Variants in LARGE1 observed in about 807,000 individuals in gnomAD.
LARGE1 encodes the protein LARGE xylosyl- and glucuronyltransferase 1.
A neutral mutation model predicts 87.6 loss-of-function variants in LARGE1; 43 were observed. That is an observed-to-expected ratio of 0.49 (90% CI 0.38 to 0.63). The LOEUF (loss-of-function observed/expected upper bound fraction) is 0.63. LARGE1 is among the 30% of genes least tolerant of loss of function. The probability of loss-of-function intolerance (pLI) is 0.00; values close to 1 mark genes in which losing one functional copy is unlikely to be tolerated. For missense variants in LARGE1, 802 were observed against 1,000.2 expected, an observed-to-expected ratio of 0.80 and a Z score of 2.67; for synonymous variants, 434 against 394.6, an observed-to-expected ratio of 1.10 and a Z score of -1.18.
chr22:33,785,075 A>G lies in LARGE1; in HGVS notation c.-82-23517T>C, dbSNP rs551894577. Reference sequence around the variant, plus strand: ...TACATGTGTATATAGATATATGTGTATACATACATATGTGTATATACATGT... The same window carrying G: ...TACATGTGTATATAGATATATGTGTGTACATACATATGTGTATATACATGT... On this transcript the variant is annotated intron_variant, in intron 1 of 14. Coordinates refer to ENST00000397394, the MANE Select transcript of LARGE1 (RefSeq NM_133642.5). Among the ~76,000 whole-genome samples, 86 of 133,584 alleles carry G rather than the reference A, an allele frequency of 6.4e-4. 3 individuals are homozygous for G. In the East Asian group the frequency reaches 0.016, roughly 25 times the overall value. The allele number at this position is 133,584 out of a possible 152,430, so 87.6% of individuals were successfully genotyped here.
intron 1 of LARGE1, among the ~76,000 whole-genome samples, chr22:33,912,241 C>T (rs2065659101): frequency 6.6e-6 from 1 of 152,160 alleles, no homozygotes; most frequent in African/African-American, 2.4e-5. Context: ...TTCGAGTTAG[C>T]CGCAGCAAGG....
At chr22:33,157,511 A>T (rs954932777), downstream of LARGE1, among the ~76,000 whole-genome samples, 3 of 152,182 alleles carry the variant, frequency 2.0e-5, no homozygotes, top group Non-Finnish European at 4.4e-5. Flanking sequence ...AGCTCTAACT[A>T]AACTGCCTGT....
chr22:33,124,395 A>AGGAAGGAAGGAAAGAAGGAAGG, the LARGE1 span, among the ~76,000 whole-genome samples: 18 of 148,134 alleles, frequency 1.2e-4, no homozygotes, highest in South Asian at 2.2e-4. Flanking sequence ...GGAGGAAGGA[A>AGGAAGGAAGGAAAGAAGGAAGG]AATGATGGCT....
At chr22:33,600,938 G>A (rs1035034584) in intron 5 of LARGE1, among the ~76,000 whole-genome samples, 17 of 152,030 alleles carry the variant, frequency 1.1e-4, no homozygotes, top group Admixed American at 4.6e-4. Flanking sequence ...GGTAGTGCAC[G>A]CCTATGGTCC....
intron 6 of LARGE1, among the ~76,000 whole-genome samples, chr22:33,544,481 G>A (rs1282771770): frequency 6.6e-6 from 1 of 152,180 alleles, no homozygotes; most frequent in East Asian, 1.9e-4. Context: ...GAGGTAAGGA[G>A]TTTGAGACCT....
At chr22:33,495,272 T>A (rs954652843) in intron 6 of LARGE1, among the ~76,000 whole-genome samples, 1 of 152,190 alleles carries the variant, frequency 6.6e-6, no homozygotes, top group Non-Finnish European at 1.5e-5. Context: ...CGTGTTGCAG[T>A]CTTACATCTT....
chr22:33,802,890 TTG>T (rs1315554934), intron 1 of LARGE1, among the ~76,000 whole-genome samples: 1 of 152,168 alleles, frequency 6.6e-6, no homozygotes, highest in African/African-American at 2.4e-5. Flanking sequence ...CTTCAGTGCC[TTG>T]AACACAGCCT....
rs1471928254 is a variant in LARGE1 at position 33,373,000 on chromosome 22, A to AT, written c.1131+8918dup. ...TATGAGAAACAATCTTATGTGGTAA[A>AT]TTTTTGTCTTAAAGTAAAATGACTG... On this transcript the variant is annotated intron_variant, in intron 9 of 14. Transcript: ENST00000397394. Among the ~76,000 whole-genome samples, 3 of 152,330 alleles carry AT rather than the reference A, an allele frequency of 2.0e-5. No homozygotes were observed. The East Asian group carries it at 5.8e-4, about 29-fold the overall frequency.
At position 33,431,522 on chromosome 22, in the gene LARGE1, T is replaced by C. The variant is rs188194389; in HGVS notation, c.892+639A>G. ...AGGCACATGTGGTCCTCAAAAGTGC[T>C]GATTAGCAAATATATCTGCTTTTTC... is the stretch of plus-strand genomic sequence containing the variant. On this transcript the variant is annotated intron_variant, in intron 7 of 14. Transcript: ENST00000397394. Among the ~76,000 whole-genome samples, 339 of 152,256 alleles carry C rather than the reference T, an allele frequency of 2.2e-3. 2 individuals carry two copies. Among genetic ancestry groups the C allele is most frequent in the African/African-American group, 7.7e-3 (321 of 41,514 alleles).
At chr22:33,903,978 G>C (rs1410083057) in intron 1 of LARGE1, among the ~76,000 whole-genome samples, 2 of 152,122 alleles carry the variant, frequency 1.3e-5, no homozygotes, top group Non-Finnish European at 2.9e-5. Context: ...ACAGTCAAAA[G>C]GTTTTATAGA....
intron 2 of LARGE1, among the ~76,000 whole-genome samples, chr22:33,693,840 A>G (rs2082168836): frequency 6.6e-6 from 1 of 152,124 alleles, no homozygotes; most frequent in African/African-American, 2.4e-5. Context: ...AAAAAGAAAA[A>G]AAAAAGAGAG....
intron 7 of LARGE1, among the ~76,000 whole-genome samples, chr22:33,400,976 G>C (rs1400970450): frequency 6.6e-6 from 1 of 152,066 alleles, no homozygotes; most frequent in Non-Finnish European, 1.5e-5. Context: ...CTGTGCCCTG[G>C]GATCACCTGG....
chr22:33,112,332 A>G, the LARGE1 span, among the ~76,000 whole-genome samples: 119,246 of 152,188 alleles, frequency 0.78, 46,747 homozygotes, highest in Non-Finnish European at 0.8. Flanking sequence ...TAAGTCTCAC[A>G]TTTTTCCCCA....
chr22:33,526,628 C>T lies in LARGE1; in HGVS notation c.787+38220G>A, dbSNP rs145541261. On this transcript the variant is annotated intron_variant, in intron 6 of 14. Coordinates refer to ENST00000397394, the MANE Select transcript of LARGE1 (RefSeq NM_133642.5). ...CAGCAGAGAGCCTACGCTGGACAGGCGCTGGGAAGAGTTCAGAGAGAGAAC... is the reference window on the plus strand; with the variant it reads ...CAGCAGAGAGCCTACGCTGGACAGGTGCTGGGAAGAGTTCAGAGAGAGAAC... Among the ~76,000 whole-genome samples the T allele has an allele frequency of 4.1e-3, 622 of 152,312 alleles. 4 individuals are homozygous for T. Among genetic ancestry groups the T allele is most frequent in the Middle Eastern group, 6.8e-3 (2 of 294 alleles).
intron 12 of LARGE1, among the ~76,000 whole-genome samples, chr22:33,287,199 T>G (rs1931711333): frequency 1.3e-5 from 2 of 152,238 alleles, no homozygotes; most frequent in South Asian, 4.1e-4. Flanking sequence ...TGCTTTGTTT[T>G]TCTTTGATTT....
chr22:33,362,826 G>A (rs1238032294), intron 9 of LARGE1, among the ~76,000 whole-genome samples: 1 of 149,638 alleles, frequency 6.7e-6, no homozygotes, highest in Non-Finnish European at 1.5e-5. Flanking sequence ...GACTAAAGGG[G>A]GGAAAATAGA....
At chr22:33,377,604 A>G (rs16992213) in intron 9 of LARGE1, among the ~76,000 whole-genome samples, 35,087 of 152,080 alleles carry the variant, frequency 0.23, 5,706 homozygotes, top group African/African-American at 0.45. Context: ...GTTATCTTAT[A>G]CTTGAAAGAT....
intron 1 of LARGE1, among the ~76,000 whole-genome samples, chr22:33,802,526 G>A (rs943668346): frequency 6.6e-6 from 1 of 152,318 alleles, no homozygotes; most frequent in South Asian, 2.1e-4. Flanking sequence ...GAACTCACAG[G>A]AGGAGGTTTT....
At chr22:33,573,380 AG>A (rs2078262863) in intron 5 of LARGE1, among the ~76,000 whole-genome samples, 2 of 152,154 alleles carry the variant, frequency 1.3e-5, no homozygotes, top group Admixed American at 6.5e-5. Flanking sequence ...TGGGGGTTGC[AG>A]TGAGCCGAGA....
Sources: gnomAD v4.1 joint callset for allele counts (sites outside exome capture counted in the v4.1 genomes callset) on GRCh38, gnomAD v4.1.1 for gene constraint, MANE v1.5 for transcripts, NCBI Gene and HGNC (gene_info 2026-07-23, HGNC 2026-07-21) for gene names.